Variants in CTNND2 observed in about 807,000 individuals in gnomAD.
CTNND2 encodes catenin delta-2.
A neutral mutation model predicts 144.4 loss-of-function variants in CTNND2; 22 were observed. That is an observed-to-expected ratio of 0.15 (90% CI 0.11 to 0.22). The LOEUF (loss-of-function observed/expected upper bound fraction) is 0.22. CTNND2 is among the 10% of genes least tolerant of loss of function. The pLI, the probability that CTNND2 is intolerant of heterozygous loss-of-function variation, is 1.00. For synonymous variants in CTNND2, 751 were observed against 695.6 expected, an observed-to-expected ratio of 1.08 and a Z score of -1.25; for missense variants, 1,353 against 1,618.8, an observed-to-expected ratio of 0.84 and a Z score of 2.82.
chr5:11,482,050 C>T lies in CTNND2; in HGVS notation c.288-69981G>A, dbSNP rs115399540. 5.6e-3 allele frequency among the ~76,000 whole-genome samples: 849 copies of T among 152,266 alleles called. 12 individuals carry two copies. Among genetic ancestry groups the T allele is most frequent in the African/African-American group, 0.019 (804 of 41,542 alleles). On this transcript the variant is annotated intron_variant, in intron 3 of 21. Transcript: ENST00000304623. ...GCCTCTCTGAGTTTTAGGTCCACGCCTTTGTACCAGTTCAAAAGGTATTCT... is the reference window on the plus strand; with the variant it reads ...GCCTCTCTGAGTTTTAGGTCCACGCTTTTGTACCAGTTCAAAAGGTATTCT...
At chr5:11,558,746 G>A (rs558688566) in intron 3 of CTNND2, among the ~76,000 whole-genome samples, 13 of 152,218 alleles carry the variant, frequency 8.5e-5, no homozygotes, top group Non-Finnish European at 1.5e-4. Context: ...AGCTTTGAGT[G>A]CAAGAACATG....
At chr5:11,731,526 C>A (rs899065639) in intron 2 of CTNND2, among the ~76,000 whole-genome samples, 6 of 152,166 alleles carry the variant, frequency 3.9e-5, no homozygotes, top group African/African-American at 1.4e-4. Context: ...TCTTTATTTA[C>A]TACTTTTTTA....
At chr5:11,741,138 A>G (rs1321256025) in intron 1 of CTNND2, among the ~76,000 whole-genome samples, 3 of 152,224 alleles carry the variant, frequency 2.0e-5, no homozygotes, top group African/African-American at 4.8e-5. Flanking sequence ...AATTAGTTCA[A>G]CCATTGTGGA....
chr5:11,135,085 G>C (rs1171583326), intron 12 of CTNND2, among the ~76,000 whole-genome samples: 2 of 152,038 alleles, frequency 1.3e-5, no homozygotes, highest in Non-Finnish European at 2.9e-5. Context: ...GTTAAGGTCT[G>C]ATTTAAAAAT....
At chr5:11,442,450 G>C (rs1764349439) in intron 3 of CTNND2, among the ~76,000 whole-genome samples, 1 of 152,264 alleles carries the variant, frequency 6.6e-6, no homozygotes, top group African/African-American at 2.4e-5. Context: ...AAAATTAACT[G>C]TGTTAATGTT....
At chr5:11,671,943 T>C (rs1425311163) in intron 2 of CTNND2, among the ~76,000 whole-genome samples, 1 of 152,204 alleles carries the variant, frequency 6.6e-6, no homozygotes, top group Non-Finnish European at 1.5e-5. Flanking sequence ...CTGAAGTCAG[T>C]GACCTATGGA....
intron 12 of CTNND2, among the ~76,000 whole-genome samples, chr5:11,155,737 C>A (rs1758161808): frequency 6.6e-6 from 1 of 152,134 alleles, no homozygotes; most frequent in Non-Finnish European, 1.5e-5. Context: ...CCACTTCTAT[C>A]CTTTTTCCTC....
At chr5:11,557,483 C>A (rs1159907991) in intron 3 of CTNND2, among the ~76,000 whole-genome samples, 1 of 152,138 alleles carries the variant, frequency 6.6e-6, no homozygotes, top group Non-Finnish European at 1.5e-5. Flanking sequence ...CATGTAAATG[C>A]CATCTGCATT....
rs539582119 is a variant in CTNND2 at position 11,573,699 on chromosome 5, T to C, written c.175-8643A>G. Among the ~76,000 whole-genome samples, 146 of 152,314 alleles carry C rather than the reference T, an allele frequency of 9.6e-4. 1 individual carries two copies. The highest frequency in any genetic ancestry group is 1.8e-3 in the Non-Finnish European group (125 of 68,014). On this transcript the variant is annotated intron_variant, in intron 2 of 21. Transcript: ENST00000304623. ...AATGTTTTCAACAACGACAGTGTCATCCTGGGTTACCCAGCAAGGCAGCAG... is the reference window on the plus strand; with the variant it reads ...AATGTTTTCAACAACGACAGTGTCACCCTGGGTTACCCAGCAAGGCAGCAG...
chr5:11,162,991 CT>C (rs1758947955), intron 11 of CTNND2, among the ~76,000 whole-genome samples: 1 of 152,092 alleles, frequency 6.6e-6, no homozygotes, highest in Admixed American at 6.5e-5. Context: ...TAGGCATCCT[CT>C]GAACAAATGG....
At chr5:11,635,500 A>G (rs1456739673) in intron 2 of CTNND2, among the ~76,000 whole-genome samples, 1 of 152,182 alleles carries the variant, frequency 6.6e-6, no homozygotes, top group East Asian at 1.9e-4. Context: ...TCTGAAGGGA[A>G]GTTAGGGATA....
intron 9 of CTNND2, among the ~76,000 whole-genome samples, chr5:11,292,062 G>A (rs1178189890): frequency 1.3e-5 from 2 of 152,184 alleles, no homozygotes; most frequent in Non-Finnish European, 2.9e-5. Context: ...GTGAAAACTA[G>A]AGACCTCAGA....
chr5:11,686,466 T>C (rs994711733), intron 2 of CTNND2, among the ~76,000 whole-genome samples: 22 of 152,218 alleles, frequency 1.4e-4, no homozygotes, highest in South Asian at 2.1e-4. Flanking sequence ...TATTCAATTG[T>C]ATAATAACAA....
chr5:11,408,334 A>G (rs1761253455), intron 5 of CTNND2, among the ~76,000 whole-genome samples: 1 of 152,136 alleles, frequency 6.6e-6, no homozygotes, highest in South Asian at 2.1e-4. Context: ...TTGATGCCCA[A>G]AATGATAGTT....
At chr5:11,577,814 G>A (rs1278061814) in intron 2 of CTNND2, among the ~76,000 whole-genome samples, 2 of 152,092 alleles carry the variant, frequency 1.3e-5, no homozygotes, top group East Asian at 3.9e-4. Flanking sequence ...AAATTTTATG[G>A]AACTCATGTG....
intron 2 of CTNND2, among the ~76,000 whole-genome samples, chr5:11,670,989 A>C (rs1561678369): frequency 6.6e-6 from 1 of 152,180 alleles, no homozygotes; most frequent in Non-Finnish European, 1.5e-5. Context: ...AAAATCTCTC[A>C]GCATTTGCTT....
At chr5:11,162,153 G>A (rs894541603) in intron 11 of CTNND2, among the ~76,000 whole-genome samples, 4 of 151,972 alleles carry the variant, frequency 2.6e-5, no homozygotes, top group Non-Finnish European at 4.4e-5. Context: ...GTTCCATCTC[G>A]GGAAAGCAAG....
intron 2 of CTNND2, among the ~76,000 whole-genome samples, chr5:11,600,153 A>T (rs902341717): frequency 6.6e-6 from 1 of 152,192 alleles, no homozygotes; most frequent in African/African-American, 2.4e-5. Flanking sequence ...GTTGGAGGCA[A>T]TCACTGAAGT....
chr5:11,758,158 T>G (rs1356660853), intron 1 of CTNND2, among the ~76,000 whole-genome samples: 1 of 151,940 alleles, frequency 6.6e-6, no homozygotes, highest in African/African-American at 2.4e-5. Context: ...GGTAATTACT[T>G]CTGAAATCCT....
Sources: gnomAD v4.1 joint callset for allele counts (sites outside exome capture counted in the v4.1 genomes callset) on GRCh38, gnomAD v4.1.1 for gene constraint, MANE v1.5 for transcripts, NCBI Gene and HGNC (gene_info 2026-07-23, HGNC 2026-07-21) for gene names.